DNAH7: variants seen among roughly 807,000 people sequenced by gnomAD.
The protein encoded by DNAH7 is dynein axonemal heavy chain 7, also known as axonemal beta dynein heavy chain 7.
DNAH7 carries 397 observed loss-of-function variants against 444.6 expected under a neutral mutation model. The observed-to-expected ratio is 0.89, with a 90% confidence interval of 0.82 to 0.97. The LOEUF is 0.97. Ranked by LOEUF, DNAH7 falls within the 50% of genes least tolerant of loss-of-function variation. The pLI, the probability that DNAH7 is intolerant of heterozygous loss-of-function variation, is 0.00. For missense variants in DNAH7, 4,902 were observed against 4,800.8 expected, an observed-to-expected ratio of 1.02 and a Z score of -0.62; for synonymous variants, 1,636 against 1,624.4, an observed-to-expected ratio of 1.01 and a Z score of -0.17.
intron 3 of DNAH7, among the ~76,000 whole-genome samples, chr2:196,049,088 CG>C (rs1412463536): frequency 1.3e-5 from 2 of 152,124 alleles, no homozygotes; most frequent in African/African-American, 4.8e-5. Context: ...CCCAGACAGT[CG>C]GATTTTAAAG....
intron 1 of DNAH7, among the ~76,000 whole-genome samples, chr2:196,066,296 C>G (rs533844191): frequency 9.8e-5 from 15 of 152,322 alleles, no homozygotes; most frequent in African/African-American, 3.6e-4. Flanking sequence ...CGTTTGAGTT[C>G]TGGTTGTTAA....
At chr2:195,932,866 T>C (rs1022264367) in intron 21 of DNAH7, among the ~76,000 whole-genome samples, 3 of 152,186 alleles carry the variant, frequency 2.0e-5, no homozygotes, top group African/African-American at 7.2e-5. Flanking sequence ...TCAGGGATAT[T>C]GGTCTAAAAT....
chr2:196,008,911 A>G (rs1694550067), intron 10 of DNAH7, among the ~76,000 whole-genome samples: 2 of 152,168 alleles, frequency 1.3e-5, no homozygotes, highest in South Asian at 4.1e-4. Flanking sequence ...TCATGATTCT[A>G]TACGCTGTAG....
Position 195,861,829 on chromosome 2 carries a change from TAGTAGAAG to T in DNAH7, c.7616_7623del (p.Thr2539AsnfsTer10), listed in dbSNP as rs1360826309. On this transcript the variant is annotated frameshift_variant, in exon 42 of 65. Transcript: ENST00000312428. LOFTEE classifies it high-confidence loss of function. ...ACAAAGAAAGATTTGGATAAATCTA[TAGTAGAAG>T]TGTGGAAGCTTTTACACATGTCGAT... 6.2e-7 allele frequency: 1 copy of T among 1,613,572 alleles called. No homozygotes were observed. Among genetic ancestry groups the T allele is most frequent in the Non-Finnish European group, 8.5e-7 (1 of 1,179,590 alleles).
At chr2:195,762,318 G>A (rs967180383) in intron 61 of DNAH7, among the ~76,000 whole-genome samples, 1 of 151,986 alleles carries the variant, frequency 6.6e-6, no homozygotes, top group African/African-American at 2.4e-5. Flanking sequence ...TAAGAGGAGA[G>A]GAAGGAAAGG....
At chr2:195,965,796 A>T (rs766046301) in intron 17 of DNAH7, among the ~76,000 whole-genome samples, 3 of 152,124 alleles carry the variant, frequency 2.0e-5, no homozygotes, top group Non-Finnish European at 4.4e-5. Context: ...GAGTTTCTAC[A>T]GAATTAGTTG....
At chr2:195,831,589 T>C (rs1451936661) in intron 48 of DNAH7, among the ~76,000 whole-genome samples, 1 of 152,262 alleles carries the variant, frequency 6.6e-6, no homozygotes, top group Non-Finnish European at 1.5e-5. Context: ...CTATCTCTCC[T>C]TCCATTAAGA....
chr2:195,904,929 G>A (rs1276872934), intron 27 of DNAH7: 3 of 152,090 alleles, frequency 2.0e-5, no homozygotes, highest in Non-Finnish European at 4.4e-5. Context: ...TAGGTAATTG[G>A]TATTTCCATA....
At chr2:195,982,034 A>G (rs183240451) in intron 15 of DNAH7, among the ~76,000 whole-genome samples, 165 of 152,348 alleles carry the variant, frequency 1.1e-3, no homozygotes, top group African/African-American at 3.9e-3. Context: ...GACAACCCAG[A>G]GCACGGGAGA....
Position 195,858,691 on chromosome 2 carries a change from T to C in DNAH7, c.7850A>G (p.Lys2617Arg). ...TTCATCAACCTCTTTGCTAGCAACT[T>C]TTAATTGAGGATGTAGTGCCTCCAA... ...MELEALHPQLKVASKEVDEMM... is the reference protein window; with the variant it reads ...MELEALHPQLRVASKEVDEMM... The change falls in exon 43 of 65, where the codon AAA becomes AGA. Residue 2617 changes from lysine to arginine, a missense_variant. Physicochemically the swap from Lys to Arg is conservative, Grantham distance 26 (BLOSUM62 2). Coordinates refer to ENST00000312428, the MANE Select transcript of DNAH7 (RefSeq NM_018897.3). The C allele has an allele frequency of 1.2e-6, 2 of 1,614,088 alleles. No homozygotes were observed. Among genetic ancestry groups the C allele is most frequent in the South Asian group, 2.2e-5 (2 of 91,078 alleles).
chr2:195,953,082 G>C (rs551333956), intron 19 of DNAH7, among the ~76,000 whole-genome samples: 6 of 152,272 alleles, frequency 3.9e-5, no homozygotes, highest in East Asian at 1.9e-4. Context: ...TCTACGTTTG[G>C]TCTTTGATGC....
chr2:196,067,670 T>C (rs1401726), intron 1 of DNAH7, among the ~76,000 whole-genome samples: 117,793 of 152,108 alleles, frequency 0.77, 48,534 homozygotes, highest in South Asian at 0.96. Context: ...CTGTTAGTAA[T>C]GTACAACTCA....
chr2:195,850,701 A>C (rs1699309674), intron 46 of DNAH7, among the ~76,000 whole-genome samples: 1 of 152,210 alleles, frequency 6.6e-6, no homozygotes. Context: ...TCAGAAAAGC[A>C]CCAAATGTTG....
intron 12 of DNAH7, among the ~76,000 whole-genome samples, chr2:195,999,945 G>C (rs1559320282): frequency 6.6e-6 from 1 of 152,100 alleles, no homozygotes; most frequent in Non-Finnish European, 1.5e-5. Context: ...AAAACTTCAA[G>C]ATAGTGATTC....
chr2:195,885,341 G>C (rs1574664144), intron 34 of DNAH7, among the ~76,000 whole-genome samples: 1 of 152,094 alleles, frequency 6.6e-6, no homozygotes, highest in Admixed American at 6.6e-5. Context: ...AAACAGAGTA[G>C]AAGACAAGAC....
intron 2 of DNAH7, among the ~76,000 whole-genome samples, chr2:196,054,725 A>G (rs963507765): frequency 6.6e-6 from 1 of 151,940 alleles, no homozygotes; most frequent in African/African-American, 2.4e-5. Flanking sequence ...CCTGGGTGGG[A>G]GGTAATTGAA....
rs748552408 is a variant in DNAH7 at position 195,936,791 on chromosome 2, T to A, written c.3080A>T (p.Asp1027Val). The A allele has an allele frequency of 6.7e-7, 1 of 1,492,698 alleles. No homozygotes were observed. Among genetic ancestry groups the A allele is most frequent in the South Asian group, 1.5e-5 (1 of 66,378 alleles). 92.5% of individuals were successfully genotyped at this position (1,492,698 alleles called of 1,614,324 possible). ...WRDIMRSVMQ[D>V]KHVLTVVTID... Reference sequence around the variant, plus strand: ...GGTTACAACTGTCAGAACATGTTTATCCTAAAAATAAAAATAAAAAACACT... The same window carrying A: ...GGTTACAACTGTCAGAACATGTTTAACCTAAAAATAAAAATAAAAAACACT... Residue 1027 changes from aspartate to valine, a missense_variant and splice_region_variant, in exon 20 of 65, where the codon GAT (aspartate) becomes GTT (valine). Physicochemically the swap from Asp to Val is radical, Grantham distance 152. Transcript: ENST00000312428.
chr2:195,740,636 TATATATATACATATACACAC>T (rs1398967625), intron 64 of DNAH7, 110 bp downstream of exon 64: 101 of 98,770 alleles, frequency 1.0e-3, no homozygotes, highest in Middle Eastern at 3.1e-3. Flanking sequence ...TATATATATA[TATATATATACATATACACAC>T]ACACATATGT....
At chr2:195,962,594 C>T (rs959960368) in intron 17 of DNAH7, among the ~76,000 whole-genome samples, 1 of 152,202 alleles carries the variant, frequency 6.6e-6, no homozygotes, top group Non-Finnish European at 1.5e-5. Context: ...AAGTGATCTG[C>T]CTGCCTTGGC....
Sources: gnomAD v4.1 joint callset for allele counts (sites outside exome capture counted in the v4.1 genomes callset) on GRCh38, gnomAD v4.1.1 for gene constraint, MANE v1.5 for transcripts, NCBI Gene and HGNC (gene_info 2026-07-23, HGNC 2026-07-21) for gene names.